ANO10: variants seen among roughly 807,000 people sequenced by gnomAD.
The protein encoded by ANO10 is anoctamin 10.
ANO10 carries 77 observed loss-of-function variants against 74.7 expected under a neutral mutation model. That is an observed-to-expected ratio of 1.03 (90% confidence interval 0.86 to 1.25). ANO10 has a LOEUF of 1.25. Ranked by LOEUF, ANO10 falls within the 50% of genes most tolerant of loss-of-function variation. The probability of loss-of-function intolerance (pLI) is 0.00; values close to 1 mark genes in which losing one functional copy is unlikely to be tolerated. For missense variants in ANO10, 721 were observed against 778.1 expected (o/e 0.93, Z 0.87); for synonymous variants, 279 against 284.9 (o/e 0.98, Z 0.21).
At chr3:43,540,101 AG>A (rs910718035) in intron 11 of ANO10, among the ~76,000 whole-genome samples, 1 of 152,272 alleles carries the variant, frequency 6.6e-6, no homozygotes, top group African/African-American at 2.4e-5. Context: ...AGCACTCCCA[AG>A]GAACAGAAGC....
chr3:43,536,794 C>CT (rs1294305489), intron 11 of ANO10, among the ~76,000 whole-genome samples: 1 of 152,018 alleles, frequency 6.6e-6, no homozygotes, highest in Non-Finnish European at 1.5e-5. Flanking sequence ...AAAAAATCTA[C>CT]TTTTTTCATC....
At chr3:43,523,460 G>C (rs2078048282) in intron 11 of ANO10, among the ~76,000 whole-genome samples, 1 of 152,200 alleles carries the variant, frequency 6.6e-6, no homozygotes, top group African/African-American at 2.4e-5. Flanking sequence ...AGAGCACCAA[G>C]ACTGGGGAGC....
At chr3:43,690,857 G>T in intron 1 of ANO10, 2 of 951,178 alleles carry the variant, frequency 2.1e-6, no homozygotes, top group Non-Finnish European at 2.8e-6. Context: ...CGGGCGCGCC[G>T]CCGGGCCGTG....
intron 12 of ANO10, among the ~76,000 whole-genome samples, chr3:43,431,223 C>T (rs1276349518): frequency 1.3e-5 from 2 of 151,910 alleles, no homozygotes; most frequent in African/African-American, 2.4e-5. Flanking sequence ...CAAGCGTGCA[C>T]CACCATGCCT....
intron 12 of ANO10, among the ~76,000 whole-genome samples, chr3:43,394,107 A>G (rs910430195): frequency 6.6e-6 from 1 of 152,064 alleles, no homozygotes; most frequent in Non-Finnish European, 1.5e-5. Context: ...GGTAGGCCTG[A>G]TAAGTGTTGG....
chr3:43,561,766 T>C (rs2149347170), intron 8 of ANO10, among the ~76,000 whole-genome samples: 1 of 152,318 alleles, frequency 6.6e-6, no homozygotes, highest in South Asian at 2.1e-4. Context: ...CTGATCTGAC[T>C]GCGATACATT....
intron 1 of ANO10, among the ~76,000 whole-genome samples, chr3:43,606,473 G>A (rs554843275): frequency 1.3e-4 from 20 of 152,062 alleles, no homozygotes; most frequent in African/African-American, 1.7e-4. Context: ...TGATGTAGTC[G>A]GTAGGGAGCT....
chr3:43,659,910 C>T (rs888963119), intron 1 of ANO10, among the ~76,000 whole-genome samples: 1 of 152,200 alleles, frequency 6.6e-6, no homozygotes, highest in Non-Finnish European at 1.5e-5. Context: ...ATTTGCTGTT[C>T]TGCAGCCTCT....
chr3:43,635,819 A>C (rs1379387512), intron 1 of ANO10, among the ~76,000 whole-genome samples: 2 of 151,700 alleles, frequency 1.3e-5, no homozygotes, highest in Non-Finnish European at 2.9e-5. Flanking sequence ...ATGGGGTTTC[A>C]CCTTGTTGGC....
chr3:43,552,696 GGATATA>G (rs1305294308), intron 10 of ANO10, among the ~76,000 whole-genome samples: 2,015 of 51,050 alleles, frequency 0.039, 37 homozygotes, highest in Middle Eastern at 0.064. Flanking sequence ...TATTATCTCT[GGATATA>G]TATATATATA....
At chr3:43,601,151 A>T (rs2082321476) in intron 2 of ANO10, among the ~76,000 whole-genome samples, 1 of 152,236 alleles carries the variant, frequency 6.6e-6, no homozygotes, top group South Asian at 2.1e-4. Flanking sequence ...TTGATAATGT[A>T]CATATAATTA....
intron 5 of ANO10, 74 bp from the exon 6 acceptor site, chr3:43,577,335 T>C: frequency 4.8e-6 from 7 of 1,445,644 alleles, no homozygotes; most frequent in Non-Finnish European, 6.7e-6. Context: ...AGTACGCTTA[T>C]TCATTTTTTA....
rs554349572 is a variant in ANO10 at position 43,611,798 on chromosome 3, C to G, written c.-11-5935G>C. On this transcript the variant is annotated intron_variant, in intron 1 of 12. Coordinates refer to ENST00000292246, the MANE Select transcript of ANO10 (RefSeq NM_018075.5). ...TAGTCAACTCTGATCAAGTTTCCAG[C>G]TCTAACCAGCAAGAACAAATATGAT... 9.2e-5 allele frequency among the ~76,000 whole-genome samples: 14 copies of G among 152,178 alleles called. No individual in the cohort carries two copies. In the South Asian group the frequency reaches 2.9e-3, roughly 32 times the overall value.
intron 12 of ANO10, among the ~76,000 whole-genome samples, chr3:43,372,149 C>T (rs1449692963): frequency 6.6e-6 from 1 of 152,122 alleles, no homozygotes; most frequent in Non-Finnish European, 1.5e-5. Flanking sequence ...CCACCTCCCA[C>T]CCCAGCCAGC....
At chr3:43,517,251 A>AT (rs1475798725) in intron 11 of ANO10, among the ~76,000 whole-genome samples, 1 of 151,972 alleles carries the variant, frequency 6.6e-6, no homozygotes, top group African/African-American at 2.4e-5. Flanking sequence ...CCTAAAGCAA[A>AT]TTTTTTCTAG....
chr3:43,639,712 G>A, intron 1 of ANO10, among the ~76,000 whole-genome samples: 1 of 151,676 alleles, frequency 6.6e-6, no homozygotes, highest in Non-Finnish European at 1.5e-5. Flanking sequence ...GGAGTCGGAG[G>A]TTGCAGTGAG....
chr3:43,386,984 G>A (rs904428052), intron 12 of ANO10, among the ~76,000 whole-genome samples: 1 of 152,118 alleles, frequency 6.6e-6, no homozygotes, highest in Non-Finnish European at 1.5e-5. Flanking sequence ...TTCTTCACTG[G>A]ACTCTAGGAA....
chr3:43,530,506 G>A (rs1298665620), intron 11 of ANO10, among the ~76,000 whole-genome samples: 1 of 151,034 alleles, frequency 6.6e-6, no homozygotes, highest in Non-Finnish European at 1.5e-5. Context: ...TATATAATAG[G>A]TATGTAGTAG....
intron 11 of ANO10, among the ~76,000 whole-genome samples, chr3:43,486,135 G>C (rs949539384): frequency 4.6e-5 from 7 of 152,170 alleles, no homozygotes; most frequent in African/African-American, 1.7e-4. Context: ...ATCTGGGAGA[G>C]ATTGAGTCTG....
Sources: allele counts gnomAD v4.1 joint callset (sites outside exome capture counted in the v4.1 genomes callset), GRCh38; gene constraint gnomAD v4.1.1; transcripts MANE v1.5; gene names NCBI Gene and HGNC (gene_info 2026-07-23, HGNC 2026-07-21).